Variants in TENM3 observed in about 807,000 individuals in gnomAD.
The protein encoded by TENM3 is teneurin transmembrane protein 3.
Under a neutral mutation model 255.1 loss-of-function variants are expected in TENM3, and 63 were observed. The observed-to-expected ratio is 0.25, with a 90% CI of 0.20 to 0.30. The LOEUF (loss-of-function observed/expected upper bound fraction) is 0.30. Among genes scored for constraint, TENM3 ranks in the 10% least tolerant of loss-of-function variants. TENM3 has a pLI of 1.00. For missense variants in TENM3, 2,929 were observed against 3,461.1 expected (o/e 0.85, Z 3.86); for synonymous variants, 1,306 against 1,322.3 (o/e 0.99, Z 0.27).
the TENM3 span, among the ~76,000 whole-genome samples, chr4:182,045,923 C>A: frequency 1.3e-5 from 2 of 152,128 alleles, no homozygotes; most frequent in South Asian, 4.1e-4. Context: ...TGGCATGTGC[C>A]TGTAGTCCCA....
chr4:182,087,095 G>T, the TENM3 span, among the ~76,000 whole-genome samples: 1 of 152,074 alleles, frequency 6.6e-6, no homozygotes, highest in Non-Finnish European at 1.5e-5. Context: ...ACACAGATCT[G>T]GGCACAAACC....
chr4:181,970,899 G>C, the TENM3 span, among the ~76,000 whole-genome samples: 3 of 152,186 alleles, frequency 2.0e-5, no homozygotes, highest in Non-Finnish European at 4.4e-5. Flanking sequence ...AACTAGGAAA[G>C]ATTTTTATTA....
chr4:182,757,264 A>G (rs1762807178), intron 22 of TENM3, among the ~76,000 whole-genome samples: 1 of 133,850 alleles, frequency 7.5e-6, no homozygotes, highest in South Asian at 2.7e-4. Context: ...GTGAGCTGAG[A>G]TGGTGCCACT....
intron 5 of TENM3, among the ~76,000 whole-genome samples, chr4:182,641,944 G>A (rs1752353733): frequency 6.6e-6 from 1 of 152,164 alleles, no homozygotes; most frequent in South Asian, 2.1e-4. Flanking sequence ...CAAAGCTGCA[G>A]GTAACTCACT....
chr4:182,177,618 T>G (rs57146598), intron 1 of TENM3, among the ~76,000 whole-genome samples: 1 of 128,784 alleles, frequency 7.8e-6, no homozygotes, highest in Admixed American at 7.6e-5. Context: ...ATATATATTT[T>G]TTTTTTTTTT....
Position 182,501,715 on chromosome 4 carries a change from C to T in TENM3, c.512-99209C>T, listed in dbSNP as rs528309445. Among the ~76,000 whole-genome samples, 141 of 152,250 alleles carry T rather than the reference C, an allele frequency of 9.3e-4. 4 individuals carry two copies. The highest frequency in any genetic ancestry group is 3.4e-3 in the Middle Eastern group (1 of 294). ...AATATTATCTGTTGACATCTTGTAA[C>T]ATGAGGACCCATCTTTATTATAAGC... On this transcript the variant is annotated intron_variant, in intron 3 of 27. Coordinates refer to ENST00000511685, the MANE Select transcript of TENM3 (RefSeq NM_001080477.4).
At chr4:182,515,171 G>A (rs186922990) in intron 3 of TENM3, among the ~76,000 whole-genome samples, 22 of 152,260 alleles carry the variant, frequency 1.4e-4, no homozygotes, top group East Asian at 5.8e-4. Context: ...AAAATGAATC[G>A]GAAGTGAGGA....
intron 3 of TENM3, among the ~76,000 whole-genome samples, chr4:182,532,890 G>A (rs1381045154): frequency 6.6e-6 from 1 of 152,162 alleles, no homozygotes; most frequent in African/African-American, 2.4e-5. Flanking sequence ...TACCTTCTAA[G>A]GGGATTTAAA....
At chr4:182,449,164 G>C (rs1406794527) in intron 3 of TENM3, 3 of 173,230 alleles carry the variant, frequency 1.7e-5, no homozygotes, top group Admixed American at 6.6e-5. Context: ...GCGCGGCAGG[G>C]TCGCTCGCTC....
the TENM3 span, among the ~76,000 whole-genome samples, chr4:181,883,763 C>T: frequency 2.6e-5 from 4 of 152,104 alleles, no homozygotes; most frequent in Middle Eastern, 3.2e-3. Context: ...AGGCGTGAGC[C>T]ACCGCAATAT....
chr4:181,880,440 A>G, the TENM3 span, among the ~76,000 whole-genome samples: 1 of 152,216 alleles, frequency 6.6e-6, no homozygotes, highest in Non-Finnish European at 1.5e-5. Flanking sequence ...AAAAATTGAT[A>G]CAGAAAAAGG....
intron 5 of TENM3, among the ~76,000 whole-genome samples, chr4:182,641,190 G>A (rs1180288027): frequency 8.5e-5 from 13 of 152,154 alleles, no homozygotes; most frequent in South Asian, 2.1e-4. Context: ...TGACATACAC[G>A]TGCACCTGTG....
the TENM3 span, among the ~76,000 whole-genome samples, chr4:181,988,753 A>G: frequency 6.6e-6 from 1 of 151,778 alleles, no homozygotes; most frequent in Non-Finnish European, 1.5e-5. Flanking sequence ...TTTCATGGGT[A>G]TGATTATTTA....
the TENM3 span, among the ~76,000 whole-genome samples, chr4:182,063,421 G>A: frequency 1.3e-5 from 2 of 152,128 alleles, no homozygotes; most frequent in African/African-American, 2.4e-5. Context: ...GTTGGTTCAC[G>A]TAAGCACTTG....
the TENM3 span, among the ~76,000 whole-genome samples, chr4:181,605,486 GAAAGAAAGAAAGAAAGAAAGAA>G: frequency 2.3e-4 from 4 of 17,140 alleles, no homozygotes; most frequent in African/African-American, 3.3e-4. Flanking sequence ...AACAGAGAAA[GAAAGAAAGAAAGAAAGAAAGAA>G]AGAAAGAAAG....
In TENM3 at chr4:182,604,942, T is replaced by A. The variant is rs74982269; in HGVS notation, c.749+3781T>A. Among the ~76,000 whole-genome samples, 982 of 152,310 alleles carry A rather than the reference T, an allele frequency of 6.4e-3. 35 individuals carry two copies. The East Asian group carries it at 0.097, about 15-fold the overall frequency. The stretch of plus-strand genomic sequence containing the variant: ...GCCGCATTAATGTGAGATCAATTGT[T>A]AACGTCGTTAAAAAAACAGAATACC... On this transcript the variant is annotated intron_variant, in intron 4 of 27. Transcript: ENST00000511685.
At chr4:181,931,162 C>T in the TENM3 span, among the ~76,000 whole-genome samples, 1 of 152,192 alleles carries the variant, frequency 6.6e-6, no homozygotes, top group Non-Finnish European at 1.5e-5. Context: ...GAAGTTCTGG[C>T]CAGGGCAATC....
chr4:181,476,450 A>G, the TENM3 span, among the ~76,000 whole-genome samples: 8 of 152,198 alleles, frequency 5.3e-5, no homozygotes, highest in South Asian at 1.0e-3. Flanking sequence ...ATTTATTTAT[A>G]GGGTGTGATA....
At chr4:182,110,904 C>A in the TENM3 span, among the ~76,000 whole-genome samples, 5 of 152,092 alleles carry the variant, frequency 3.3e-5, no homozygotes, top group African/African-American at 1.2e-4. Flanking sequence ...TTATAATTTT[C>A]TTAGAATAAG....
Sources: gnomAD v4.1 joint callset for allele counts (sites outside exome capture counted in the v4.1 genomes callset) on GRCh38, gnomAD v4.1.1 for gene constraint, MANE v1.5 for transcripts, NCBI Gene and HGNC (gene_info 2026-07-23, HGNC 2026-07-21) for gene names.